The following TEK variants were observed in gnomAD, a reference collection of about 807,000 sequenced individuals.
TEK encodes the protein TEK receptor tyrosine kinase, also known as angiopoietin-1 receptor.
TEK carries 43 observed loss-of-function variants against 131.8 expected under a neutral mutation model. The observed-to-expected ratio is 0.33, with a 90% CI of 0.26 to 0.42. The LOEUF is 0.42. TEK is among the 10% of genes least tolerant of loss of function. The pLI, the probability that TEK is intolerant of heterozygous loss-of-function variation, is 1.00. For missense variants in TEK, 1,162 were observed against 1,384.4 expected (o/e 0.84, Z 2.55); for synonymous variants, 580 against 491.6 (o/e 1.18, Z -2.38).
At chr9:27,135,667 C>T (rs570275394) in intron 1 of TEK, among the ~76,000 whole-genome samples, 1 of 152,266 alleles carries the variant, frequency 6.6e-6, no homozygotes, top group Non-Finnish European at 1.5e-5. Flanking sequence ...ATCTGAGGCA[C>T]AGAGGCTAAA....
At chr9:27,213,337 G>A in intron 17 of TEK, 147 bp from the exon 18 acceptor site, 1 of 630,462 alleles carries the variant, frequency 1.6e-6, no homozygotes, top group Non-Finnish European at 2.9e-6. Flanking sequence ...CCATTACCAG[G>A]GAATTTTGGA....
chr9:27,217,080 C>G (rs1417287707), intron 18 of TEK, among the ~76,000 whole-genome samples: 1 of 152,176 alleles, frequency 6.6e-6, no homozygotes, highest in Non-Finnish European at 1.5e-5. Flanking sequence ...CAGGACCAGG[C>G]ATCGAAAGGA....
rs1217422540 is a variant in TEK at position 27,157,785 on chromosome 9, A to T, written c.53-46A>T. The stretch of plus-strand genomic sequence containing the variant: ...GAGCACCAGTTTACCCAATGGGGTC[A>T]TGTTAATAACCTTAGTCATACATTA... On this transcript the variant is annotated intron_variant, in intron 1 of 22. Transcript: ENST00000380036. 6.2e-6 allele frequency: 10 copies of T among 1,602,832 alleles called. No individual in the cohort carries two copies. The Admixed American group carries it at 8.3e-5, about 13-fold the overall frequency.
Position 27,229,844 on chromosome 9 carries a change from C to T in TEK, c.*612C>T, listed in dbSNP as rs1056233064. The T allele has an allele frequency of 6.5e-6, 1 of 154,656 alleles. No individual in the cohort carries two copies. The highest frequency in any genetic ancestry group is 1.4e-5 in the Non-Finnish European group (1 of 69,574). 9.6% of individuals were successfully genotyped at this position (154,656 alleles called of 1,614,324 possible). On this transcript the variant is annotated 3_prime_UTR_variant, in exon 23 of 23. Coordinates refer to ENST00000380036, the MANE Select transcript of TEK (RefSeq NM_000459.5). ...GTGTTTCCACAGCCTGCAAGTCAGT[C>T]CAGGATGCTAACATCTAAAAATAGA...
At chr9:27,129,980 A>G (rs1270777784) in intron 1 of TEK, among the ~76,000 whole-genome samples, 1 of 152,242 alleles carries the variant, frequency 6.6e-6, no homozygotes, top group Non-Finnish European at 1.5e-5. Flanking sequence ...AATTCGTATC[A>G]CATAAGTTCT....
chr9:27,213,343 T>G (rs1214912422), intron 17 of TEK, 141 bp from the exon 18 acceptor site: 1 of 644,254 alleles, frequency 1.6e-6, no homozygotes, highest in Non-Finnish European at 2.8e-6. Context: ...CCAGGGAATT[T>G]TGGAGGGGAA....
At chr9:27,227,168 G>A (rs962719614) in intron 21 of TEK, among the ~76,000 whole-genome samples, 1 of 152,230 alleles carries the variant, frequency 6.6e-6, no homozygotes, top group South Asian at 2.1e-4. Flanking sequence ...TGCACATAAG[G>A]TTCCCCAGAG....
At chr9:27,144,159 G>A (rs924625215) in intron 1 of TEK, among the ~76,000 whole-genome samples, 3 of 152,164 alleles carry the variant, frequency 2.0e-5, no homozygotes, top group Non-Finnish European at 4.4e-5. Context: ...GTGCATGCCT[G>A]TAGTCCCAGC....
intron 1 of TEK, among the ~76,000 whole-genome samples, chr9:27,125,394 T>A (rs1286591915): frequency 6.6e-6 from 1 of 152,218 alleles, no homozygotes; most frequent in Non-Finnish European, 1.5e-5. Context: ...CACCTTTAAG[T>A]GCATCACTGT....
In TEK at chr9:27,173,214, T is replaced by C. The variant is rs553482805; in HGVS notation, c.761-8T>C. On this transcript the variant is annotated splice_polypyrimidine_tract_variant and splice_region_variant and intron_variant, in intron 5 of 22. Transcript: ENST00000380036. ...GACTCTGAATCATCTTTTCTTTTCCTCCCAAAGCTTGTGAACTGCACACGT... is the reference window on the plus strand; with the variant it reads ...GACTCTGAATCATCTTTTCTTTTCCCCCCAAAGCTTGTGAACTGCACACGT... The C allele has an allele frequency of 1.8e-5, 29 of 1,613,978 alleles. No homozygotes were observed. The African/African-American group carries it at 3.5e-4, about 19-fold the overall frequency.
At chr9:27,141,356 A>G (rs1488716862) in intron 1 of TEK, among the ~76,000 whole-genome samples, 1 of 152,070 alleles carries the variant, frequency 6.6e-6, no homozygotes, top group Non-Finnish European at 1.5e-5. Flanking sequence ...AGTGTTATTT[A>G]ACCTGTACTT....
At position 27,172,664 on chromosome 9, in the gene TEK, C is replaced by T. The variant is rs35814893; in HGVS notation, c.677C>T (p.Ala226Val). ...CCTGAATGCAACCATCTCTGTACTG[C>T]TTGTATGAACAATGGTGTCTGCCAT... is the stretch of plus-strand genomic sequence containing the variant. ...WGPECNHLCT[A>V]CMNNGVCHED... The change falls in exon 5 of 23, where the codon GCT (alanine) becomes GTT (valine). Residue 226 changes from alanine (A) to valine (V), a missense_variant. Physicochemically the swap from Ala to Val is moderately conservative, Grantham distance 64. Coordinates refer to ENST00000380036, the MANE Select transcript of TEK (RefSeq NM_000459.5). 1,252 of 1,613,758 alleles carry T rather than the reference C, an allele frequency of 7.8e-4. No individual in the cohort carries two copies. The highest frequency in any genetic ancestry group is 9.8e-4 in the Non-Finnish European group (1,161 of 1,179,716).
At chr9:27,228,038 G>A (rs1446701262) in intron 21 of TEK, among the ~76,000 whole-genome samples, 168 bp from the exon 22 acceptor site, 1 of 152,140 alleles carries the variant, frequency 6.6e-6, no homozygotes, top group African/African-American at 2.4e-5. Flanking sequence ...GTTGAAATGA[G>A]ACTGGCTTAG....
chr9:27,218,589 C>T (rs543400783), intron 19 of TEK, among the ~76,000 whole-genome samples, 188 bp from the exon 20 acceptor site: 1 of 152,134 alleles, frequency 6.6e-6, no homozygotes, highest in Non-Finnish European at 1.5e-5. Flanking sequence ...AACACTGTTT[C>T]TTTGTTGTAA....
intron 8 of TEK, 85 bp downstream of exon 8, chr9:27,183,695 A>G (rs950242267): frequency 7.1e-6 from 11 of 1,547,980 alleles, no homozygotes; most frequent in Non-Finnish European, 9.8e-6. Flanking sequence ...GATACCATTC[A>G]GTGCTTTTAT....
At chr9:27,147,817 T>A (rs1169007844) in intron 1 of TEK, among the ~76,000 whole-genome samples, 1 of 152,254 alleles carries the variant, frequency 6.6e-6, no homozygotes, top group African/African-American at 2.4e-5. Flanking sequence ...GTTCCAGTAT[T>A]ATTTGTTGAA....
chr9:27,124,867 G>A (rs569778252), intron 1 of TEK, among the ~76,000 whole-genome samples: 1 of 152,278 alleles, frequency 6.6e-6, no homozygotes, highest in South Asian at 2.1e-4. Context: ...TGCATATGAG[G>A]TCTATCCCAC....
chr9:27,126,601 C>A (rs1380143989), intron 1 of TEK, among the ~76,000 whole-genome samples: 1 of 152,136 alleles, frequency 6.6e-6, no homozygotes, highest in Non-Finnish European at 1.5e-5. Flanking sequence ...GCAAGTCAGA[C>A]TGCAATAAAG....
At chr9:27,227,689 A>G (rs1423848868) in intron 21 of TEK, among the ~76,000 whole-genome samples, 1 of 151,884 alleles carries the variant, frequency 6.6e-6, no homozygotes, top group East Asian at 1.9e-4. Context: ...TGACCTGATC[A>G]CCTCCCAAAG....
Sources: allele counts gnomAD v4.1 joint callset (sites outside exome capture counted in the v4.1 genomes callset), GRCh38; gene constraint gnomAD v4.1.1; transcripts MANE v1.5; gene names NCBI Gene and HGNC (gene_info 2026-07-23, HGNC 2026-07-21).